Variants in DDC observed in about 807,000 individuals in gnomAD.
The protein encoded by DDC is aromatic-L-amino-acid decarboxylase.
DDC carries 43 observed loss-of-function variants against 60.0 expected under a neutral mutation model. The ratio of observed to expected loss-of-function variants is 0.72; its 90% CI spans 0.56 to 0.92. The LOEUF is 0.92. Ranked by LOEUF, DDC falls within the 40% of genes least tolerant of loss-of-function variation. DDC has a pLI of 0.00. For missense variants in DDC, 573 were observed against 620.2 expected (o/e 0.92, Z 0.81); for synonymous variants, 232 against 234.6 (o/e 0.99, Z 0.10).
intron 4 of DDC, among the ~76,000 whole-genome samples, chr7:50,534,362 C>T (rs1488898403): frequency 1.3e-5 from 2 of 152,114 alleles, no homozygotes; most frequent in Non-Finnish European, 2.9e-5. Flanking sequence ...TTTGGGAGGC[C>T]GAGGTGGGTG....
At chr7:50,490,413 G>A (rs1382155914) in intron 9 of DDC, among the ~76,000 whole-genome samples, 4 of 152,254 alleles carry the variant, frequency 2.6e-5, no homozygotes, top group African/African-American at 9.6e-5. Context: ...GCCCATGCCT[G>A]TAATTTCAGC....
intron 4 of DDC, among the ~76,000 whole-genome samples, chr7:50,530,239 A>G (rs765387904): frequency 6.6e-6 from 1 of 152,104 alleles, no homozygotes; most frequent in Non-Finnish European, 1.5e-5. Flanking sequence ...TGGGCGACAG[A>G]GTGAGACCCA....
intron 1 of DDC, among the ~76,000 whole-genome samples, chr7:50,549,567 T>A (rs958958901): frequency 1.3e-5 from 2 of 150,452 alleles, no homozygotes; most frequent in African/African-American, 4.9e-5. Context: ...GGCAACAGAA[T>A]GGCATGAACC....
intron 14 of DDC, among the ~76,000 whole-genome samples, chr7:50,459,428 A>T (rs1372855599): frequency 3.4e-5 from 5 of 148,176 alleles, no homozygotes; most frequent in Non-Finnish European, 5.9e-5. Flanking sequence ...ATCGTCTGGG[A>T]CGTGAGGAGC....
intron 9 of DDC, among the ~76,000 whole-genome samples, chr7:50,482,273 T>C (rs924074526): frequency 6.6e-6 from 1 of 152,254 alleles, no homozygotes; most frequent in Non-Finnish European, 1.5e-5. Flanking sequence ...TTACTGGGAT[T>C]TCAATTTACA....
intron 6 of DDC, among the ~76,000 whole-genome samples, chr7:50,516,282 A>G (rs1241967203): frequency 5.9e-5 from 9 of 152,230 alleles, no homozygotes; most frequent in Non-Finnish European, 1.0e-4. Flanking sequence ...GAACTTTCAA[A>G]ACCATGCAAA....
At chr7:50,529,446 T>C in intron 4 of DDC, 104 bp from the exon 5 acceptor site, 2 of 1,448,490 alleles carry the variant, frequency 1.4e-6, no homozygotes, top group East Asian at 2.3e-5. Context: ...TTTCTTAAAA[T>C]ATGAGTCTGA....
chr7:50,529,575 C>T (rs1050156779), intron 4 of DDC, among the ~76,000 whole-genome samples: 1 of 152,178 alleles, frequency 6.6e-6, no homozygotes, highest in Non-Finnish European at 1.5e-5. Flanking sequence ...GTAACAGCAG[C>T]AGCTAACATT....
chr7:50,561,810 C>T (rs2045347887), intron 1 of DDC, among the ~76,000 whole-genome samples: 1 of 152,176 alleles, frequency 6.6e-6, no homozygotes, highest in Non-Finnish European at 1.5e-5. Flanking sequence ...ACAGGGTCCA[C>T]TCAGATGACG....
intron 10 of DDC, chr7:50,477,527 C>T (rs1266568818): frequency 4.4e-6 from 2 of 456,636 alleles, no homozygotes; most frequent in African/African-American, 4.0e-5. Flanking sequence ...AGCTGTCCAC[C>T]TAATACAACC....
rs11575268 is a variant in DDC, at chr7:50,561,320, A to T, written c.-29+3965T>A. Among the ~76,000 whole-genome samples the T allele has an allele frequency of 6.6e-3, 1,011 of 152,212 alleles. 15 individuals carry two copies. Among genetic ancestry groups the T allele is most frequent in the African/African-American group, 0.023 (966 of 41,538 alleles). Reference sequence around the variant, plus strand: ...CCTGTGTTCCCAGGCACTGTGTAGGATGCAGATTTGGGGCCAGGGCTCCTG... The same window carrying T: ...CCTGTGTTCCCAGGCACTGTGTAGGTTGCAGATTTGGGGCCAGGGCTCCTG... On this transcript the variant is annotated intron_variant, in intron 1 of 14. Transcript: ENST00000444124.
chr7:50,462,351 T>G (rs1407677571), intron 14 of DDC, among the ~76,000 whole-genome samples: 1 of 151,998 alleles, frequency 6.6e-6, no homozygotes, highest in African/African-American at 2.4e-5. Context: ...ACAAACATAA[T>G]TTTAAATACC....
intron 5 of DDC, among the ~76,000 whole-genome samples, chr7:50,528,551 T>A (rs1282588385): frequency 6.6e-6 from 1 of 152,076 alleles, no homozygotes; most frequent in East Asian, 1.9e-4. Context: ...ATTTATGAAG[T>A]TTTTCATTTG....
At chr7:50,557,975 C>T (rs1241351891) in intron 1 of DDC, among the ~76,000 whole-genome samples, 2 of 152,098 alleles carry the variant, frequency 1.3e-5, no homozygotes, top group East Asian at 1.9e-4. Flanking sequence ...TTCATGGTTG[C>T]TAATTTTGAA....
intron 6 of DDC, among the ~76,000 whole-genome samples, chr7:50,514,886 A>C (rs28889020): frequency 0.22 from 33,434 of 152,168 alleles, 3,822 homozygotes; most frequent in East Asian, 0.4. Context: ...AAAAAGAATA[A>C]GAAAATATGA....
intron 13 of DDC, among the ~76,000 whole-genome samples, chr7:50,466,647 C>CT (rs2042405470): frequency 6.6e-6 from 1 of 152,174 alleles, no homozygotes; most frequent in Admixed American, 6.5e-5. Flanking sequence ...GTAGAGATGG[C>CT]TTATGCCCCA....
chr7:50,560,445 C>G (rs191266235), intron 1 of DDC, among the ~76,000 whole-genome samples: 3 of 152,148 alleles, frequency 2.0e-5, no homozygotes, highest in Admixed American at 2.0e-4. Flanking sequence ...TATTGAGCAC[C>G]TATTGTGTGC....
At chr7:50,541,104 C>CCCTCACAG (rs2044615345) in intron 2 of DDC, among the ~76,000 whole-genome samples, 1 of 152,196 alleles carries the variant, frequency 6.6e-6, no homozygotes, top group African/African-American at 2.4e-5. Context: ...CCATTCAGAC[C>CCCTCACAG]CCTCTCAGGC....
At chr7:50,461,850 T>C (rs78511436) in intron 14 of DDC, among the ~76,000 whole-genome samples, 2,612 of 152,238 alleles carry the variant, frequency 0.017, 85 homozygotes, top group African/African-American at 0.058. Context: ...CCCCAGGTCT[T>C]TCTCAGCTTA....
Sources: gnomAD v4.1 joint callset for allele counts (sites outside exome capture counted in the v4.1 genomes callset) on GRCh38, gnomAD v4.1.1 for gene constraint, MANE v1.5 for transcripts, NCBI Gene and HGNC (gene_info 2026-07-23, HGNC 2026-07-21) for gene names.